EDARADD: variants seen among roughly 807,000 people sequenced by gnomAD.
EDARADD encodes ectodysplasin-A receptor-associated adapter protein.
A neutral mutation model predicts 25.6 loss-of-function variants in EDARADD; 20 were observed. The observed-to-expected ratio is 0.78, with a 90% CI of 0.55 to 1.14. The LOEUF is 1.14. EDARADD is among the 50% of genes most tolerant of loss of function. The pLI is 0.00. For missense variants in EDARADD, 225 were observed against 270.1 expected (o/e 0.83, Z 1.17); for synonymous variants, 86 against 94.4 (o/e 0.91, Z 0.52).
intron 4 of EDARADD, among the ~76,000 whole-genome samples, chr1:236,464,625 G>A (rs1231165523): frequency 6.6e-6 from 1 of 151,786 alleles, no homozygotes; most frequent in Non-Finnish European, 1.5e-5. Flanking sequence ...TAGAGCCGGG[G>A]TTTTGCCATG....
intron 4 of EDARADD, among the ~76,000 whole-genome samples, chr1:236,434,639 G>T (rs1237049400): frequency 6.6e-6 from 1 of 152,148 alleles, no homozygotes; most frequent in Non-Finnish European, 1.5e-5. Context: ...GCCCAGGGAA[G>T]CCCAAATATT....
At chr1:236,422,455 A>G (rs1558118895) in intron 3 of EDARADD, among the ~76,000 whole-genome samples, 1 of 152,234 alleles carries the variant, frequency 6.6e-6, no homozygotes, top group African/African-American at 2.4e-5. Context: ...GCAATGGTCC[A>G]AAAATTTATA....
intron 3 of EDARADD, among the ~76,000 whole-genome samples, chr1:236,423,951 CA>C (rs1463538871): frequency 1.1e-4 from 16 of 151,722 alleles, no homozygotes; most frequent in African/African-American, 3.9e-4. Flanking sequence ...ACTAAAAATA[CA>C]AAAATTAGCC....
chr1:236,405,859 TTC>T (rs1667714857), intron 1 of EDARADD, among the ~76,000 whole-genome samples: 1 of 54,674 alleles, frequency 1.8e-5, no homozygotes, highest in African/African-American at 7.5e-5. Context: ...CCTTCCTTCC[TTC>T]CTTCCTTCCT....
intron 3 of EDARADD, among the ~76,000 whole-genome samples, chr1:236,420,954 G>A (rs1299286892): frequency 6.8e-6 from 1 of 147,150 alleles, no homozygotes. Context: ...GGCTGGTCTC[G>A]AAGTCCTGAC....
At chr1:236,464,838 C>T (rs1428981847) in intron 4 of EDARADD, among the ~76,000 whole-genome samples, 2 of 152,136 alleles carry the variant, frequency 1.3e-5, no homozygotes, top group Non-Finnish European at 2.9e-5. Flanking sequence ...GTGTCCTTCT[C>T]AGGTCCTTCT....
chr1:236,467,433 C>CAT (rs1659232682), intron 4 of EDARADD, among the ~76,000 whole-genome samples: 1 of 149,616 alleles, frequency 6.7e-6, no homozygotes, highest in South Asian at 2.1e-4. Flanking sequence ...CGCGCACACA[C>CAT]ACACACACAC....
At chr1:236,424,971 T>TG (rs1245714282) in intron 3 of EDARADD, among the ~76,000 whole-genome samples, 3 of 152,240 alleles carry the variant, frequency 2.0e-5, no homozygotes, top group Non-Finnish European at 2.9e-5. Context: ...TTTCAGTTTT[T>TG]GTCTCCATAT....
intron 5 of EDARADD, among the ~76,000 whole-genome samples, chr1:236,469,616 A>G (rs1285948832): frequency 6.6e-6 from 1 of 152,208 alleles, no homozygotes; most frequent in Admixed American, 6.5e-5. Context: ...GGGAACCCGT[A>G]GAGCCCTCAG....
chr1:236,453,821 A>G (rs949283038), intron 4 of EDARADD, among the ~76,000 whole-genome samples: 4 of 152,174 alleles, frequency 2.6e-5, no homozygotes, highest in African/African-American at 4.8e-5. Flanking sequence ...CCATATCCCC[A>G]TTGTTAAGGG....
At chr1:236,388,018 A>AT (rs201057947) in intron 3 of EDARADD, among the ~76,000 whole-genome samples, 12,422 of 14,290 alleles carry the variant, frequency 0.87, 5,821 homozygotes, top group Middle Eastern at 1. Flanking sequence ...TTAAAAAAAA[A>AT]AATAATAATA....
intron 1 of EDARADD, among the ~76,000 whole-genome samples, chr1:236,403,570 A>G (rs927541370): frequency 6.6e-6 from 1 of 152,068 alleles, no homozygotes; most frequent in Non-Finnish European, 1.5e-5. Context: ...TACAGGTGTG[A>G]GCCACCACGC....
intron 3 of EDARADD, among the ~76,000 whole-genome samples, chr1:236,415,805 G>A (rs912158647): frequency 6.6e-6 from 1 of 151,958 alleles, no homozygotes; most frequent in African/African-American, 2.4e-5. Flanking sequence ...CCTCTACCTT[G>A]TAGTCTGCTG....
rs879158383 is a variant in EDARADD at position 236,483,528 on chromosome 1, A to G, written c.*879A>G. 1 of 1,064,080 alleles carries G rather than the reference A, an allele frequency of 9.4e-7. No homozygotes were observed. Among genetic ancestry groups the G allele is most frequent in the Non-Finnish European group, 1.5e-6 (1 of 681,058 alleles). 65.9% of individuals were successfully genotyped at this position (1,064,080 alleles called of 1,614,324 possible). A position where few individuals can be genotyped will look rare whatever the true frequency, so the allele number is the denominator to read the frequency against. On this transcript the variant is annotated 3_prime_UTR_variant, in exon 6 of 6. Coordinates refer to ENST00000334232, the MANE Select transcript of EDARADD (RefSeq NM_145861.4). ...AGTGTCCCTCGCTGCCTGCAAAGCT[A>G]GTGCTGTTGAGAAGGGGGTTCCCCT...
chr1:236,364,247 A>C (rs755775403), intron 3 of EDARADD, among the ~76,000 whole-genome samples: 16 of 152,370 alleles, frequency 1.1e-4, no homozygotes, highest in Middle Eastern at 3.4e-3. Flanking sequence ...AGAATGAACT[A>C]ATATATTATC....
rs557963245 is a variant in EDARADD at position 236,477,059 on chromosome 1, A to AAAG, written c.266-5206_266-5205insGAA. ...AATTGAAAAGTGCCCATAAGCAAAAAAAAAAAAAAGAAAAAATTAATCACC... is the reference window on the plus strand; with the variant it reads ...AATTGAAAAGTGCCCATAAGCAAAAAAAGAAAAAAAAAGAAAAAATTAATCACC... On this transcript the variant is annotated intron_variant, in intron 5 of 5. Transcript: ENST00000334232. 2.8e-4 allele frequency among the ~76,000 whole-genome samples: 43 copies of AAAG among 151,806 alleles called. 1 individual carries two copies. In the East Asian group the frequency reaches 7.7e-3, roughly 27 times the overall value.
chr1:236,447,200 CTTT>C (rs1431003704), intron 4 of EDARADD, among the ~76,000 whole-genome samples: 1 of 56,242 alleles, frequency 1.8e-5, no homozygotes, highest in Admixed American at 2.0e-4. Context: ...TTCTTTCTTT[CTTT>C]CTTTCTTTCT....
intron 1 of EDARADD, among the ~76,000 whole-genome samples, chr1:236,400,142 C>T (rs924083572): frequency 5.3e-5 from 8 of 152,214 alleles, no homozygotes; most frequent in African/African-American, 1.7e-4. Context: ...TTCTCCTCCA[C>T]GTGGGTTTTC....
intron 4 of EDARADD, among the ~76,000 whole-genome samples, chr1:236,451,007 T>C (rs1558128673): frequency 6.6e-6 from 1 of 152,104 alleles, no homozygotes; most frequent in Non-Finnish European, 1.5e-5. Flanking sequence ...TCTATCACCA[T>C]GGCCACTGCA....
Sources: allele counts gnomAD v4.1 joint callset (sites outside exome capture counted in the v4.1 genomes callset), GRCh38; gene constraint gnomAD v4.1.1; transcripts MANE v1.5; gene names NCBI Gene and HGNC (gene_info 2026-07-23, HGNC 2026-07-21).